The following ARHGEF26 variants were observed in gnomAD, a reference collection of about 807,000 sequenced individuals.
ARHGEF26 encodes the protein Rho guanine nucleotide exchange factor (GEF) 26.
Under a neutral mutation model 89.4 loss-of-function variants are expected in ARHGEF26, and 59 were observed. The observed-to-expected ratio is 0.66, with a 90% CI of 0.54 to 0.82. ARHGEF26 has a LOEUF of 0.82. ARHGEF26 is among the 40% of genes least tolerant of loss of function. The probability of loss-of-function intolerance (pLI) is 0.00; values close to 1 mark genes in which losing one functional copy is unlikely to be tolerated. For missense variants in ARHGEF26, 1,234 were observed against 1,085.6 expected (o/e 1.14, Z -1.92); for synonymous variants, 500 against 428.4 (o/e 1.17, Z -2.06).
At chr3:154,234,844 C>T (rs1051112553) in intron 11 of ARHGEF26, among the ~76,000 whole-genome samples, 4 of 152,148 alleles carry the variant, frequency 2.6e-5, no homozygotes, top group Admixed American at 6.5e-5. Context: ...CGGCTCACTG[C>T]AAGGTCCGCC....
At chr3:154,214,312 A>G (rs1715585972) in intron 9 of ARHGEF26, among the ~76,000 whole-genome samples, 1 of 152,188 alleles carries the variant, frequency 6.6e-6, no homozygotes, top group South Asian at 2.1e-4. Flanking sequence ...TCATAAGGGT[A>G]GGGCAGAAGT....
At chr3:154,155,105 T>A (rs933049061) in intron 6 of ARHGEF26, among the ~76,000 whole-genome samples, 6 of 152,134 alleles carry the variant, frequency 3.9e-5, no homozygotes, top group African/African-American at 1.4e-4. Flanking sequence ...ATTTTTGTCA[T>A]CTAACCTTTA....
chr3:154,177,054 G>C (rs1712866855), intron 6 of ARHGEF26, among the ~76,000 whole-genome samples: 1 of 152,296 alleles, frequency 6.6e-6, no homozygotes, highest in East Asian at 1.9e-4. Flanking sequence ...AGAGAAATAA[G>C]TAAGGGATGC....
rs1188247588 is a variant in ARHGEF26, at chr3:154,237,572, A to ACACACACACACT, written c.2091-2797_2091-2796insACACACACACTC. ...CACACACACACACACACACACACAC[A>ACACACACACACT]CTTAACTAGTTTATTCATATTAGCT... On this transcript the variant is annotated intron_variant, in intron 11 of 14. Transcript: ENST00000465093. Among the ~76,000 whole-genome samples, 6 of 151,354 alleles carry ACACACACACACT rather than the reference A, an allele frequency of 4.0e-5. No homozygotes were observed. The East Asian group carries it at 9.7e-4, about 25-fold the overall frequency.
intron 7 of ARHGEF26, among the ~76,000 whole-genome samples, chr3:154,189,932 A>G (rs6767062): frequency 0.023 from 3,499 of 152,076 alleles, 127 homozygotes; most frequent in African/African-American, 0.079. Flanking sequence ...TTGTTTCTGT[A>G]TAATTTCTTT....
At chr3:154,222,167 C>T (rs533940348) in intron 10 of ARHGEF26, among the ~76,000 whole-genome samples, 61 of 152,302 alleles carry the variant, frequency 4.0e-4, no homozygotes, top group African/African-American at 1.4e-3. Flanking sequence ...AGTCCACATT[C>T]TTAACAATGA....
At chr3:154,163,828 A>T (rs1711814305) in intron 6 of ARHGEF26, among the ~76,000 whole-genome samples, 1 of 152,152 alleles carries the variant, frequency 6.6e-6, no homozygotes, top group Admixed American at 6.6e-5. Flanking sequence ...TTGGCATTGC[A>T]GTATTCTCTA....
chr3:154,226,697 C>CACACACACACA (rs1559912631), intron 11 of ARHGEF26, among the ~76,000 whole-genome samples: 267 of 119,858 alleles, frequency 2.2e-3, no homozygotes, highest in African/African-American at 7.0e-3. Context: ...ACACACACAC[C>CACACACACACA]CCTTCAGCTC....
intron 6 of ARHGEF26, among the ~76,000 whole-genome samples, chr3:154,180,124 GC>G (rs1455482602): frequency 1.3e-5 from 2 of 151,958 alleles, no homozygotes; most frequent in Non-Finnish European, 2.9e-5. Context: ...TTATCCTCCT[GC>G]CTCCCTCTCT....
intron 11 of ARHGEF26, among the ~76,000 whole-genome samples, chr3:154,229,276 A>C (rs542876667): frequency 6.6e-6 from 1 of 152,180 alleles, no homozygotes; most frequent in African/African-American, 2.4e-5. Flanking sequence ...CACAGGCATG[A>C]TCATAGCACA....
intron 12 of ARHGEF26, among the ~76,000 whole-genome samples, chr3:154,243,940 G>A (rs1717635363): frequency 6.6e-6 from 1 of 152,206 alleles, no homozygotes; most frequent in Non-Finnish European, 1.5e-5. Flanking sequence ...GGGCTACCGA[G>A]TTTTGAGCAA....
At chr3:154,207,886 A>G (rs908564346) in intron 9 of ARHGEF26, among the ~76,000 whole-genome samples, 1 of 152,144 alleles carries the variant, frequency 6.6e-6, no homozygotes, top group Non-Finnish European at 1.5e-5. Flanking sequence ...GAAAATGTAC[A>G]TATACACCAT....
intron 5 of ARHGEF26, among the ~76,000 whole-genome samples, chr3:154,151,641 A>G (rs145948068): frequency 3.5e-3 from 538 of 152,342 alleles, no homozygotes; most frequent in Non-Finnish European, 5.8e-3. Flanking sequence ...ATGAAATACA[A>G]CTGAGGCTAG....
intron 12 of ARHGEF26, 74 bp downstream of exon 12, chr3:154,240,653 T>A (rs940453714): frequency 7.2e-7 from 1 of 1,380,650 alleles, no homozygotes; most frequent in Non-Finnish European, 9.8e-7. Flanking sequence ...GTTTACAGAC[T>A]TCCTAAAAAC....
intron 6 of ARHGEF26, among the ~76,000 whole-genome samples, chr3:154,156,340 C>T (rs1179062398): frequency 6.6e-6 from 1 of 151,984 alleles, no homozygotes; most frequent in Non-Finnish European, 1.5e-5. Context: ...TTATCTCTGT[C>T]ATAGCTTATC....
At chr3:154,150,156 G>A (rs1450690570) in intron 5 of ARHGEF26, among the ~76,000 whole-genome samples, 1 of 112,622 alleles carries the variant, frequency 8.9e-6, no homozygotes, top group Non-Finnish European at 1.8e-5. Flanking sequence ...TTTTTTGGTT[G>A]GCATAGAATA....
chr3:154,205,564 G>C (rs1175308492), intron 9 of ARHGEF26, among the ~76,000 whole-genome samples: 2 of 152,000 alleles, frequency 1.3e-5, no homozygotes, highest in Non-Finnish European at 1.5e-5. Flanking sequence ...TTGTTTTCTG[G>C]TTGTTTTGTG....
At chr3:154,127,750 T>G (rs929598251) in intron 3 of ARHGEF26, among the ~76,000 whole-genome samples, 3 of 152,052 alleles carry the variant, frequency 2.0e-5, no homozygotes, top group African/African-American at 7.3e-5. Context: ...ACTTTTGTAT[T>G]TTTGGCAGTA....
At chr3:154,191,036 G>T (rs1447351431) in intron 7 of ARHGEF26, among the ~76,000 whole-genome samples, 1 of 152,004 alleles carries the variant, frequency 6.6e-6, no homozygotes, top group Non-Finnish European at 1.5e-5. Context: ...TAAATTTCTA[G>T]CTCCTACATG....
Sources: gnomAD v4.1 joint callset for allele counts (sites outside exome capture counted in the v4.1 genomes callset) on GRCh38, gnomAD v4.1.1 for gene constraint, MANE v1.5 for transcripts, NCBI Gene and HGNC (gene_info 2026-07-23, HGNC 2026-07-21) for gene names.